Variants in TAOK3 observed in about 807,000 individuals in gnomAD.
TAOK3 encodes serine/threonine-protein kinase TAO3.
TAOK3 carries 40 observed loss-of-function variants against 120.4 expected under a neutral mutation model. The observed-to-expected ratio is 0.33, with a 90% CI of 0.26 to 0.43. TAOK3 has a LOEUF of 0.43. Ranked by LOEUF, TAOK3 falls within the 20% of genes least tolerant of loss-of-function variation. TAOK3 has a pLI of 1.00. For missense variants in TAOK3, 821 were observed against 1,112.1 expected (o/e 0.74, Z 3.72); for synonymous variants, 355 against 387.5 (o/e 0.92, Z 0.99).
intron 14 of TAOK3, among the ~76,000 whole-genome samples, chr12:118,188,923 AGTGT>A (rs35868707): frequency 7.9e-5 from 12 of 150,996 alleles, no homozygotes; most frequent in East Asian, 3.9e-4. Flanking sequence ...AAACGATGTG[AGTGT>A]GTGTGTGTGT....
intron 9 of TAOK3, among the ~76,000 whole-genome samples, chr12:118,225,036 T>C (rs2039431770): frequency 6.6e-6 from 1 of 151,712 alleles, no homozygotes; most frequent in Non-Finnish European, 1.5e-5. Context: ...TCACCTGAGA[T>C]CAGAAGGTTG....
At chr12:118,280,043 G>A (rs1396928451) in intron 1 of TAOK3, among the ~76,000 whole-genome samples, 1 of 150,972 alleles carries the variant, frequency 6.6e-6, no homozygotes, top group Non-Finnish European at 1.5e-5. Context: ...GGGATTACAG[G>A]CGTGAGCCAC....
chr12:118,340,789 A>C (rs2044584369), intron 1 of TAOK3, among the ~76,000 whole-genome samples: 1 of 151,536 alleles, frequency 6.6e-6, no homozygotes, highest in Non-Finnish European at 1.5e-5. Flanking sequence ...AAAAAAAAAA[A>C]AACATTGGCC....
At chr12:118,361,751 A>G (rs558914684) in intron 1 of TAOK3, among the ~76,000 whole-genome samples, 6 of 151,850 alleles carry the variant, frequency 4.0e-5, no homozygotes, top group Non-Finnish European at 7.4e-5. Context: ...GAGCCACTAC[A>G]CCTGGCTAGG....
intron 1 of TAOK3, among the ~76,000 whole-genome samples, chr12:118,356,276 T>G (rs1272359668): frequency 1.3e-5 from 2 of 151,694 alleles, no homozygotes; most frequent in African/African-American, 2.4e-5. Context: ...TCTCAATATC[T>G]TCTCAATTTG....
Position 118,199,187 on chromosome 12 carries a change from A to G in TAOK3, c.1058T>C (p.Met353Thr). The change falls in exon 13 of 21, where the codon ATG (methionine) becomes ACG (threonine). Residue 353 changes from methionine to threonine, a missense_variant. Transcript: ENST00000392533. ...GCTCTGGCTGCCTGTGCTCACGGAC[A>G]TGCTTGGAATGGAATGGTTGCTGCC... ...SLGSNHSIPS[M>T]SVSTGSQSSS... The G allele has an allele frequency of 1.1e-5, 17 of 1,614,144 alleles. No individual in the cohort carries two copies. Among genetic ancestry groups the G allele is most frequent in the Non-Finnish European group, 1.4e-5 (17 of 1,180,012 alleles).
chr12:118,166,491 C>T (rs2035589670), intron 17 of TAOK3, among the ~76,000 whole-genome samples: 1 of 150,844 alleles, frequency 6.6e-6, no homozygotes, highest in African/African-American at 2.4e-5. Context: ...TGAGCTGAGA[C>T]TGCGCCATTG....
chr12:118,204,117 A>G (rs1321661843), intron 11 of TAOK3, among the ~76,000 whole-genome samples: 1 of 152,052 alleles, frequency 6.6e-6, no homozygotes, highest in African/African-American at 2.4e-5. Flanking sequence ...AACACAAAAA[A>G]TTAGCTGGGC....
intron 1 of TAOK3, among the ~76,000 whole-genome samples, chr12:118,346,941 G>T (rs993136276): frequency 3.9e-5 from 6 of 152,108 alleles, no homozygotes; most frequent in Non-Finnish European, 7.4e-5. Flanking sequence ...CTCTGTATAT[G>T]CATTCGTCTT....
At position 118,160,049 on chromosome 12, in the gene TAOK3, A is replaced by G; in HGVS notation, c.2352+97T>C. On this transcript the variant is annotated intron_variant, in intron 19 of 20. Transcript: ENST00000392533. This position sits in a 1 kb window ranked among gnomAD's most constrained non-coding sequence, Gnocchi z 4.2. The stretch of plus-strand genomic sequence containing the variant: ...GGGCAGAAAAACATCAATATCCTAA[A>G]TTTGTGCAAGAATCATCTTGGGAAC... 1 of 1,078,786 alleles carries G rather than the reference A, an allele frequency of 9.3e-7. No homozygotes were observed. Among genetic ancestry groups the G allele is most frequent in the Admixed American group, 1.9e-5 (1 of 52,834 alleles). The allele number at this position is 1,078,786 out of a possible 1,614,324, so 66.8% of individuals were successfully genotyped here.
intron 9 of TAOK3, 64 bp downstream of exon 9, chr12:118,233,610 T>C (rs1389017357): frequency 8.0e-7 from 1 of 1,247,848 alleles, no homozygotes; most frequent in Non-Finnish European, 1.2e-6. Flanking sequence ...AAAAATACAA[T>C]GAAAATTCAT....
At chr12:118,177,437 C>A in intron 15 of TAOK3, 108 bp from the exon 16 acceptor site, 7 of 668,778 alleles carry the variant, frequency 1.0e-5, no homozygotes, top group East Asian at 3.1e-5. Flanking sequence ...AATAATGAGA[C>A]ATTTTTGAAC....
At chr12:118,287,209 T>G (rs961207902) in intron 1 of TAOK3, among the ~76,000 whole-genome samples, 3 of 152,092 alleles carry the variant, frequency 2.0e-5, no homozygotes, top group African/African-American at 7.2e-5. Flanking sequence ...CCCAATAACC[T>G]ATGGAAATTT....
chr12:118,278,607 G>A (rs2041985062), intron 1 of TAOK3, among the ~76,000 whole-genome samples: 1 of 152,136 alleles, frequency 6.6e-6, no homozygotes. Context: ...ATGAGCATAT[G>A]GGTACATGAG....
intron 15 of TAOK3, among the ~76,000 whole-genome samples, chr12:118,179,275 C>T (rs767526861): frequency 2.6e-5 from 4 of 152,200 alleles, no homozygotes; most frequent in Non-Finnish European, 5.9e-5. Flanking sequence ...TCCCCAGTCA[C>T]TGCATGCCCA....
Position 118,371,536 on chromosome 12 carries a change from C to CT in TAOK3, c.-194+1111_-194+1112insA, listed in dbSNP as rs2045892512. ...GACATAATCCGGCTCCGGAGTCCCC[C>CT]GGAGTCCCGGGGGCTCACACTCCAC... On this transcript the variant is annotated intron_variant, in intron 1 of 20. Transcript: ENST00000392533. The surrounding 1 kb of genome is among the most constrained non-coding windows in gnomAD (Gnocchi z 5.5). Among the ~76,000 whole-genome samples, 1 of 151,792 alleles carries CT rather than the reference C, an allele frequency of 6.6e-6. No individual in the cohort carries two copies. Among genetic ancestry groups the CT allele is most frequent in the South Asian group, 2.1e-4 (1 of 4,814 alleles).
chr12:118,218,082 G>C lies in TAOK3; in HGVS notation c.644-3972C>G, dbSNP rs559840323. Among the ~76,000 whole-genome samples, 5 of 150,936 alleles carry C rather than the reference G, an allele frequency of 3.3e-5. No individual in the cohort carries two copies. The South Asian group carries it at 6.3e-4, about 19-fold the overall frequency. ...TCACCATATTAGCCAGGATGGTCTC[G>C]ATTTCCTGACCTTGTGATCCGTCCG... is the stretch of plus-strand genomic sequence containing the variant. On this transcript the variant is annotated intron_variant, in intron 9 of 20. Transcript: ENST00000392533.
intron 15 of TAOK3, among the ~76,000 whole-genome samples, chr12:118,178,953 C>T (rs1871149842): frequency 6.6e-6 from 1 of 152,212 alleles, no homozygotes; most frequent in Admixed American, 6.5e-5. Context: ...AATTATGCTT[C>T]ATGGCTCATG....
Position 118,205,087 on chromosome 12 carries a change from T to C in TAOK3, c.820-3624A>G, listed in dbSNP as rs1263339646. ...CGGGAGGCTGAGGCAGGAGAATTGCTTGAACTTGGGAGAAGGAGGCTGAAG... is the reference window on the plus strand; with the variant it reads ...CGGGAGGCTGAGGCAGGAGAATTGCCTGAACTTGGGAGAAGGAGGCTGAAG... On this transcript the variant is annotated intron_variant, in intron 11 of 20. Transcript: ENST00000392533. 2.0e-5 allele frequency among the ~76,000 whole-genome samples: 3 copies of C among 151,860 alleles called. No homozygotes were observed. In the East Asian group the frequency reaches 5.8e-4, roughly 29 times the overall value.
Sources: gnomAD v4.1 joint callset for allele counts (sites outside exome capture counted in the v4.1 genomes callset) on GRCh38, gnomAD v4.1.1 for gene constraint, Gnocchi (gnomAD v3.1) non-coding constraint, MANE v1.5 for transcripts, NCBI Gene and HGNC (gene_info 2026-07-23, HGNC 2026-07-21) for gene names.